IRS1: variants seen among roughly 807,000 people sequenced by gnomAD.
IRS1 encodes the protein insulin receptor substrate 1.
A neutral mutation model predicts 65.6 loss-of-function variants in IRS1; 34 were observed. The observed-to-expected ratio is 0.52, with a 90% CI of 0.39 to 0.69. The LOEUF (loss-of-function observed/expected upper bound fraction) is 0.69, where lower values mean the gene tolerates loss of function less well. Ranked by LOEUF, IRS1 falls within the 30% of genes least tolerant of loss-of-function variation. The pLI, the probability that IRS1 is intolerant of heterozygous loss-of-function variation, is 0.00. For synonymous variants in IRS1, 699 were observed against 683.5 expected (o/e 1.02, Z -0.35); for missense variants, 1,641 against 1,720.2 (o/e 0.95, Z 0.81).
intron 1 of IRS1, among the ~76,000 whole-genome samples, chr2:226,768,307 A>G (rs1574651878): frequency 6.6e-6 from 1 of 152,226 alleles, no homozygotes; most frequent in African/African-American, 2.4e-5. Context: ...CCACGAACAC[A>G]GAAACCTACT....
At chr2:226,776,053 C>T in intron 1 of IRS1, among the ~76,000 whole-genome samples, 1 of 151,806 alleles carries the variant, frequency 6.6e-6, no homozygotes, top group East Asian at 1.9e-4. Flanking sequence ...CTTAGAGAAA[C>T]TGATGATTTT....
In IRS1 at chr2:226,798,875, G is replaced by T; in HGVS notation, c.-137C>A. 2 of 1,522,502 alleles carry T rather than the reference G, an allele frequency of 1.3e-6. No homozygotes were observed. Among genetic ancestry groups the T allele is most frequent in the Non-Finnish European group, 1.8e-6 (2 of 1,131,900 alleles). 94.3% of individuals were successfully genotyped at this position (1,522,502 alleles called of 1,614,324 possible). A position where few individuals can be genotyped will look rare whatever the true frequency, so the allele number is the denominator to read the frequency against. The stretch of plus-strand genomic sequence containing the variant: ...CAGAAACCCCGACTCTGAAATCCAC[G>T]CCGCCCCCCGCGCCGGGGAGGGGCA... On this transcript the variant is annotated 5_prime_UTR_variant, in exon 1 of 2. Coordinates refer to ENST00000305123, the MANE Select transcript of IRS1 (RefSeq NM_005544.3). This position sits in a 1 kb window ranked among gnomAD's most constrained non-coding sequence, Gnocchi z 9.4.
chr2:226,753,899 C>T (rs1398995019), intron 1 of IRS1, among the ~76,000 whole-genome samples: 1 of 152,146 alleles, frequency 6.6e-6, no homozygotes, highest in East Asian at 1.9e-4. Flanking sequence ...GTCACCCAGG[C>T]TGGAATGCAG....
At chr2:226,762,701 T>C (rs941296921) in intron 1 of IRS1, among the ~76,000 whole-genome samples, 1 of 152,214 alleles carries the variant, frequency 6.6e-6, no homozygotes, top group Non-Finnish European at 1.5e-5. Flanking sequence ...AGAAGAACTA[T>C]AGGTTGGTGC....
intron 1 of IRS1, among the ~76,000 whole-genome samples, chr2:226,760,286 A>T (rs1408973073): frequency 2.6e-5 from 4 of 152,260 alleles, no homozygotes. Flanking sequence ...AAGATTAAAA[A>T]TTAATTTTAA....
intron 1 of IRS1, among the ~76,000 whole-genome samples, chr2:226,774,782 CA>C (rs1939236847): frequency 6.6e-6 from 1 of 152,122 alleles, no homozygotes; most frequent in Admixed American, 6.5e-5. Flanking sequence ...TATCAAGCCA[CA>C]AAAGATGTGG....
At position 226,797,063 on chromosome 2, in the gene IRS1, G is replaced by A. The variant is rs1049154616; in HGVS notation, c.1676C>T (p.Pro559Leu). Residue 559 changes from proline to leucine, a missense_variant, in exon 1 of 2, where the codon CCA becomes CTA. Pro to Leu is a moderately conservative substitution (Grantham distance 98). Coordinates refer to ENST00000305123, the MANE Select transcript of IRS1 (RefSeq NM_005544.3). This position sits in a 1 kb window ranked among gnomAD's most constrained non-coding sequence, Gnocchi z 8.1. ...EEYTEMMPAY[P>L]PGGGSGGRLP... The stretch of plus-strand genomic sequence containing the variant: ...TCGGCCTCCACTGCCACCTCCTGGT[G>A]GGTAGGCAGGCATCATCTCTGTGTA... The A allele has an allele frequency of 7.4e-6, 12 of 1,612,018 alleles. No homozygotes were observed. The highest frequency in any genetic ancestry group is 1.0e-5 in the Non-Finnish European group (12 of 1,178,998).
At chr2:226,736,737 A>G (rs910256572) in intron 1 of IRS1, among the ~76,000 whole-genome samples, 4 of 152,208 alleles carry the variant, frequency 2.6e-5, no homozygotes, top group African/African-American at 9.6e-5. Flanking sequence ...ATTGTTTGAC[A>G]TGAGAATTTT....
At chr2:226,771,721 G>A (rs997310799) in intron 1 of IRS1, among the ~76,000 whole-genome samples, 1 of 151,876 alleles carries the variant, frequency 6.6e-6, no homozygotes, top group African/African-American at 2.4e-5. Flanking sequence ...CACAGCACTG[G>A]ATCTCTCTGT....
chr2:226,766,120 CTTATATAT>C lies in IRS1; in HGVS notation c.*21+28861_*21+28868del, dbSNP rs1190573763. 5.7e-4 allele frequency among the ~76,000 whole-genome samples: 18 copies of C among 31,688 alleles called. No individual in the cohort carries two copies. In the South Asian group the frequency reaches 5.8e-3, roughly 10 times the overall value. The allele number at this position is 31,688 out of a possible 152,430, so 20.8% of individuals were successfully genotyped here. ...AATTTTCCCAAGGCCCTCTCTTAAT[CTTATATAT>C]ATATATATATATATATATATATATA... On this transcript the variant is annotated intron_variant, in intron 1 of 1. Transcript: ENST00000305123.
chr2:226,750,145 A>G (rs1195224830), intron 1 of IRS1, among the ~76,000 whole-genome samples: 1 of 150,054 alleles, frequency 6.7e-6, no homozygotes, highest in African/African-American at 2.4e-5. Flanking sequence ...GCTACTTGGG[A>G]GGCTGAGGCA....
In IRS1 at chr2:226,798,711, A is replaced by G; in HGVS notation, c.28T>C (p.Phe10Leu). 6.2e-7 allele frequency: 1 copy of G among 1,612,614 alleles called. No individual in the cohort carries two copies. Among genetic ancestry groups the G allele is most frequent in the Non-Finnish European group, 8.5e-7 (1 of 1,179,798 alleles). Residue 10 changes from phenylalanine (F) to leucine (L), a missense_variant, in exon 1 of 2, where the codon TTC becomes CTC. By Grantham distance (22) the Phe-to-Leu change is conservative. Coordinates refer to ENST00000305123, the MANE Select transcript of IRS1 (RefSeq NM_005544.3). The surrounding 1 kb of genome is among the most constrained non-coding windows in gnomAD (Gnocchi z 9.4). The stretch of plus-strand genomic sequence containing the variant: ...TAGCCCACCTTGCGCACGTCCGAGA[A>G]GCCATCGCTCTCCGGAGGGCTCGCC... The part of the protein sequence containing the change: MASPPESDG[F>L]SDVRKVGYLR...
chr2:226,799,403 G>A lies in IRS1; in HGVS notation c.-665C>T, dbSNP rs1939843674. 7.9e-7 allele frequency: 1 copy of A among 1,264,242 alleles called. No individual in the cohort carries two copies. The highest frequency in any genetic ancestry group is 1.0e-6 in the Non-Finnish European group (1 of 971,318). The allele number at this position is 1,264,242 out of a possible 1,614,324, so 78.3% of individuals were successfully genotyped here. ...TGCTGCTGCTGCTGCCGCCGCCCGC[G>A]GGCGCGTCCTCTGCAGCCCCCATCC... is the stretch of plus-strand genomic sequence containing the variant. On this transcript the variant is annotated 5_prime_UTR_variant, in exon 1 of 2. Transcript: ENST00000305123. This position sits in a 1 kb window ranked among gnomAD's most constrained non-coding sequence, Gnocchi z 6.1.
intron 1 of IRS1, among the ~76,000 whole-genome samples, chr2:226,751,276 T>A (rs1031146485): frequency 1.3e-4 from 14 of 111,998 alleles, no homozygotes; most frequent in African/African-American, 1.7e-4. Context: ...ACACGGGTAT[T>A]TTTTTTTTTT....
At chr2:226,766,147 A>AT (rs1939036739) in intron 1 of IRS1, among the ~76,000 whole-genome samples, 3 of 3,864 alleles carry the variant, frequency 7.8e-4, no homozygotes, top group Non-Finnish European at 2.3e-3. Context: ...ATATATATAT[A>AT]TATATATATA....
Position 226,795,844 on chromosome 2 carries a change from C to T in IRS1, c.2895G>A (p.Leu965=). 1 of 1,613,374 alleles carries T rather than the reference C, an allele frequency of 6.2e-7. No individual in the cohort carries two copies. The highest frequency in any genetic ancestry group is 1.1e-5 in the South Asian group (1 of 91,076). The change falls in exon 1 of 2, where the codon CTG becomes CTA. Residue 965 remains leucine (L), a synonymous_variant. Coordinates refer to ENST00000305123, the MANE Select transcript of IRS1 (RefSeq NM_005544.3). ...TAGCAGCCCCGGGAGGTGCAGGGCCCAGTCTGCCCATCTCGACCCCAGTGC... is the reference window on the plus strand; with the variant it reads ...TAGCAGCCCCGGGAGGTGCAGGGCCTAGTCTGCCCATCTCGACCCCAGTGC... ...QESTGVEMGR[L]GPAPPGAASI...
In IRS1 at chr2:226,774,494, T is replaced by C. The variant is rs991924315; in HGVS notation, c.*21+20495A>G. Among the ~76,000 whole-genome samples the C allele has an allele frequency of 3.9e-5, 6 of 152,212 alleles. No individual in the cohort carries two copies. In the East Asian group the frequency reaches 1.2e-3, roughly 29 times the overall value. On this transcript the variant is annotated intron_variant, in intron 1 of 1. Coordinates refer to ENST00000305123, the MANE Select transcript of IRS1 (RefSeq NM_005544.3). ...GTTTGAAACACTGTACTACAGAATG[T>C]TGGACAATTTGGGGGAGGAAAATGA...
chr2:226,748,911 G>C (rs937169934), intron 1 of IRS1, among the ~76,000 whole-genome samples: 1 of 152,156 alleles, frequency 6.6e-6, no homozygotes, highest in Non-Finnish European at 1.5e-5. Context: ...AGGGTTTTCA[G>C]ATTGAACCCT....
intron 1 of IRS1, among the ~76,000 whole-genome samples, chr2:226,748,363 A>G (rs1475903974): frequency 4.3e-5 from 6 of 138,310 alleles, no homozygotes; most frequent in Non-Finnish European, 9.2e-5. Flanking sequence ...CAGGAGGTGG[A>G]GGTTGCAGCA....
Sources: gnomAD v4.1 joint callset for allele counts (sites outside exome capture counted in the v4.1 genomes callset) on GRCh38, gnomAD v4.1.1 for gene constraint, Gnocchi (gnomAD v3.1) non-coding constraint, MANE v1.5 for transcripts, NCBI Gene and HGNC (gene_info 2026-07-23, HGNC 2026-07-21) for gene names.